The following ZNF445 variants were observed in gnomAD, a reference collection of about 807,000 sequenced individuals.
ZNF445 encodes zinc finger protein 445.
A neutral mutation model predicts 93.9 loss-of-function variants in ZNF445; 19 were observed. The observed-to-expected ratio is 0.20, with a 90% CI of 0.14 to 0.30. The LOEUF (loss-of-function observed/expected upper bound fraction) is 0.30, where lower values mean the gene tolerates loss of function less well. Ranked by LOEUF, ZNF445 falls within the 10% of genes least tolerant of loss-of-function variation. The pLI, the probability that ZNF445 is intolerant of heterozygous loss-of-function variation, is 1.00. For synonymous variants in ZNF445, 449 were observed against 446.3 expected, an observed-to-expected ratio of 1.01 and a Z score of -0.08; for missense variants, 1,058 against 1,259.4, an observed-to-expected ratio of 0.84 and a Z score of 2.42.
rs1409303678 is a variant in ZNF445 at position 44,444,142 on chromosome 3, A to T, written c.*2433T>A. 3 of 152,202 alleles carry T rather than the reference A, an allele frequency of 2.0e-5. No individual in the cohort carries two copies. Among genetic ancestry groups the T allele is most frequent in the African/African-American group, 7.2e-5 (3 of 41,434 alleles). 9.4% of individuals were successfully genotyped at this position (152,202 alleles called of 1,614,324 possible). ...CCTGGGCAACCCTGTCTCAAAAAAT[A>T]AAAAAGACAGTAAAAATATCCCTAT... On this transcript the variant is annotated 3_prime_UTR_variant, in exon 8 of 8. Transcript: ENST00000396077.
At chr3:44,463,506 CCTTTCAAAAT>C (rs1698149443) in intron 1 of ZNF445, among the ~76,000 whole-genome samples, 1 of 151,870 alleles carries the variant, frequency 6.6e-6, no homozygotes, top group Non-Finnish European at 1.5e-5. Flanking sequence ...CTGATAGATC[CCTTTCAAAAT>C]CAAACGCTCT....
chr3:44,467,864 G>C (rs1025263429), intron 1 of ZNF445, among the ~76,000 whole-genome samples: 1 of 152,024 alleles, frequency 6.6e-6, no homozygotes, highest in Non-Finnish European at 1.5e-5. Flanking sequence ...TGTTCTTGAG[G>C]GTTTTTTTCT....
rs79151921 is a variant in ZNF445 at position 44,455,760 on chromosome 3, G to A, written c.-147-64C>T. On this transcript the variant is annotated intron_variant, in intron 2 of 7. Coordinates refer to ENST00000396077, the MANE Select transcript of ZNF445 (RefSeq NM_181489.6). ...ATGGTGCAGTTGGATTCTGCTGGTT[G>A]GGATCATCTTTGTATATATAAGAAG... 2,212 of 544,872 alleles carry A rather than the reference G, an allele frequency of 4.1e-3. 46 individuals are homozygous for A. Among genetic ancestry groups the A allele is most frequent in the African/African-American group, 0.038 (1,986 of 52,550 alleles). 33.8% of individuals were successfully genotyped at this position (544,872 alleles called of 1,614,324 possible). A position where few individuals can be genotyped will look rare whatever the true frequency, so the allele number is the denominator to read the frequency against.
intron 1 of ZNF445, among the ~76,000 whole-genome samples, chr3:44,476,367 GA>G (rs1488209888): frequency 7.2e-6 from 1 of 137,970 alleles, no homozygotes; most frequent in African/African-American, 2.7e-5. Context: ...CTTACAGTAA[GA>G]CTTTTTTTTT....
At chr3:44,462,456 A>C (rs925736178) in intron 1 of ZNF445, among the ~76,000 whole-genome samples, 1 of 152,196 alleles carries the variant, frequency 6.6e-6, no homozygotes, top group African/African-American at 2.4e-5. Context: ...GAAGAACAGT[A>C]GAAACCGCTC....
At position 44,460,801 on chromosome 3, in the gene ZNF445, AT is replaced by A. The variant is rs1698103952; in HGVS notation, c.-268-2438del. ...TATTGCAATTCCCCTGTCTTGATGA[AT>A]CAGCTCTGTCTAAGCAGCAGGCAAA... On this transcript the variant is annotated intron_variant, in intron 1 of 7. Coordinates refer to ENST00000396077, the MANE Select transcript of ZNF445 (RefSeq NM_181489.6). Among the ~76,000 whole-genome samples, 3 of 152,172 alleles carry A rather than the reference AT, an allele frequency of 2.0e-5. No individual in the cohort carries two copies. The South Asian group carries it at 6.2e-4, about 32-fold the overall frequency.
intron 1 of ZNF445, among the ~76,000 whole-genome samples, chr3:44,462,374 A>G (rs1698128362): frequency 6.6e-6 from 1 of 152,206 alleles, no homozygotes; most frequent in Non-Finnish European, 1.5e-5. Flanking sequence ...TGTCATAGGT[A>G]GCCCTAAAAA....
intron 3 of ZNF445, among the ~76,000 whole-genome samples, chr3:44,454,122 G>C (rs1335969786): frequency 6.6e-6 from 1 of 151,672 alleles, no homozygotes; most frequent in South Asian, 2.1e-4. Flanking sequence ...AGACCAGCCT[G>C]GCCAAAATGG....
Position 44,451,319 on chromosome 3 carries a change from T to C in ZNF445, c.593A>G (p.Gln198Arg). The C allele has an allele frequency of 1.9e-6, 3 of 1,613,180 alleles. No individual in the cohort carries two copies. Among genetic ancestry groups the C allele is most frequent in the Non-Finnish European group, 2.5e-6 (3 of 1,179,220 alleles). ...EIEARDFLAGQSDTPAAQMPA... is the reference protein window; with the variant it reads ...EIEARDFLAGRSDTPAAQMPA... ...TAAGGCCAGGCAGCAAGTACCGGAT[T>C]GCCCAGCCAGGAAGTCACGTGCTTC... Residue 198 changes from glutamine to arginine, a missense_variant, in exon 4 of 8, where the codon CAA (glutamine) becomes CGA (arginine). Physicochemically the swap from Gln to Arg is conservative, Grantham distance 43. Transcript: ENST00000396077.
intron 2 of ZNF445, among the ~76,000 whole-genome samples, chr3:44,455,903 C>G (rs1281893471): frequency 6.6e-6 from 1 of 152,076 alleles, no homozygotes; most frequent in African/African-American, 2.4e-5. Context: ...TACATTAAAA[C>G]TTCGTAAAAA....
chr3:44,448,859 A>T, intron 7 of ZNF445, 120 bp from the exon 8 acceptor site: 1 of 1,224,786 alleles, frequency 8.2e-7, no homozygotes. Flanking sequence ...CAATACCTTT[A>T]TAAAATAGTC....
chr3:44,452,609 A>C (rs1697971981), intron 3 of ZNF445, among the ~76,000 whole-genome samples: 1 of 152,200 alleles, frequency 6.6e-6, no homozygotes, highest in African/African-American at 2.4e-5. Context: ...GATTTTTAAA[A>C]TTACATCTAG....
At chr3:44,461,653 A>C (rs1698115858) in intron 1 of ZNF445, among the ~76,000 whole-genome samples, 1 of 152,240 alleles carries the variant, frequency 6.6e-6, no homozygotes, top group South Asian at 2.1e-4. Context: ...GGTATGGATC[A>C]AAGACAACAG....
chr3:44,452,735 C>T (rs1184379286), intron 3 of ZNF445, among the ~76,000 whole-genome samples: 2 of 152,058 alleles, frequency 1.3e-5, no homozygotes, highest in African/African-American at 4.8e-5. Context: ...GTAAAAATAA[C>T]AAATGCTCTT....
chr3:44,469,250 C>G (rs149171085), intron 1 of ZNF445, among the ~76,000 whole-genome samples: 2 of 152,102 alleles, frequency 1.3e-5, no homozygotes. Context: ...CCACCAAGCT[C>G]AAGAGGTACA....
At chr3:44,459,288 G>C (rs1488481622) in intron 1 of ZNF445, among the ~76,000 whole-genome samples, 1 of 152,020 alleles carries the variant, frequency 6.6e-6, no homozygotes, top group Non-Finnish European at 1.5e-5. Flanking sequence ...CAAATAAATT[G>C]AGCAATACAA....
At chr3:44,451,917 C>T (rs147022658) in intron 3 of ZNF445, among the ~76,000 whole-genome samples, 7 of 152,342 alleles carry the variant, frequency 4.6e-5, no homozygotes, top group Non-Finnish European at 8.8e-5. Flanking sequence ...TATCTACTGT[C>T]AAGTGCTGCT....
rs1697835721 is a variant in ZNF445, at chr3:44,443,399, TAAACAGCTTACTTCAGGATAA to T, written c.*3155_*3175del. On this transcript the variant is annotated 3_prime_UTR_variant, in exon 8 of 8. Coordinates refer to ENST00000396077, the MANE Select transcript of ZNF445 (RefSeq NM_181489.6). ...AATAGGTTCAGTATAATCCCAAATA[TAAACAGCTTACTTCAGGATAA>T]AATAATTTCTGTTCTTTTGGCCGGG... 1 of 152,182 alleles carries T rather than the reference TAAACAGCTTACTTCAGGATAA, an allele frequency of 6.6e-6. No homozygotes were observed. Among genetic ancestry groups the T allele is most frequent in the Non-Finnish European group, 1.5e-5 (1 of 68,038 alleles). The allele number at this position is 152,182 out of a possible 1,614,324, so 9.4% of individuals were successfully genotyped here.
intron 1 of ZNF445, among the ~76,000 whole-genome samples, chr3:44,464,078 A>G (rs1293060025): frequency 1.3e-5 from 2 of 152,146 alleles, no homozygotes; most frequent in Admixed American, 6.5e-5. Context: ...GTGAGCTGAC[A>G]TCGTACCATT....
Sources: allele counts gnomAD v4.1 joint callset (sites outside exome capture counted in the v4.1 genomes callset), GRCh38; gene constraint gnomAD v4.1.1; transcripts MANE v1.5; gene names NCBI Gene and HGNC (gene_info 2026-07-23, HGNC 2026-07-21).